The following GRIP1 variants were observed in gnomAD, a reference collection of about 807,000 sequenced individuals.
GRIP1 encodes glutamate receptor-interacting protein 1.
Under a neutral mutation model 129.9 loss-of-function variants are expected in GRIP1, and 45 were observed. The ratio of observed to expected loss-of-function variants is 0.35; its 90% CI spans 0.27 to 0.44. The LOEUF (loss-of-function observed/expected upper bound fraction) is 0.44, where lower values mean the gene tolerates loss of function less well. Ranked by LOEUF, GRIP1 falls within the 20% of genes least tolerant of loss-of-function variation. GRIP1 has a pLI of 1.00. For synonymous variants in GRIP1, 530 were observed against 520.8 expected, an observed-to-expected ratio of 1.02 and a Z score of -0.24; for missense variants, 1,196 against 1,396.8, an observed-to-expected ratio of 0.86 and a Z score of 2.29.
At chr12:66,715,473 A>T (rs74098240) in intron 1 of GRIP1, among the ~76,000 whole-genome samples, 56,652 of 94,090 alleles carry the variant, frequency 0.6, 14,109 homozygotes, top group South Asian at 0.64. Flanking sequence ...TGTGTGTGTG[A>T]GAGAGAGAGA....
intron 1 of GRIP1, among the ~76,000 whole-genome samples, chr12:66,632,278 A>G (rs1361096261): frequency 1.3e-5 from 2 of 152,222 alleles, no homozygotes; most frequent in African/African-American, 4.8e-5. Flanking sequence ...TAAAACCAGA[A>G]GGTCACAAGG....
intron 1 of GRIP1, among the ~76,000 whole-genome samples, chr12:66,927,559 T>G (rs1018344074): frequency 9.9e-5 from 15 of 152,210 alleles, no homozygotes; most frequent in Non-Finnish European, 2.2e-4. Context: ...TCAGTCCCTC[T>G]CTGTTTCCAG....
At chr12:66,464,685 T>G (rs2059230871) in intron 8 of GRIP1, among the ~76,000 whole-genome samples, 2 of 152,096 alleles carry the variant, frequency 1.3e-5, no homozygotes, top group African/African-American at 2.4e-5. Context: ...TTTTTTTCTA[T>G]TGCTAAAGGC....
intron 1 of GRIP1, among the ~76,000 whole-genome samples, chr12:66,637,734 T>G (rs2031538898): frequency 6.6e-6 from 1 of 152,170 alleles, no homozygotes; most frequent in Non-Finnish European, 1.5e-5. Flanking sequence ...CCTCCTAGTC[T>G]TGCTCAGCTC....
chr12:66,371,750 T>C lies in GRIP1; in HGVS notation c.2956A>G (p.Lys986Glu), dbSNP rs753677869. 2 of 1,614,132 alleles carry C rather than the reference T, an allele frequency of 1.2e-6. No individual in the cohort carries two copies. Among genetic ancestry groups the C allele is most frequent in the Non-Finnish European group, 1.7e-6 (2 of 1,179,964 alleles). Residue 986 changes from lysine to glutamate, a missense_variant, in exon 23 of 25, where the codon AAA becomes GAA. Around this residue, in one of 5 missense-constraint regions of GRIP1, gnomAD observed 427 missense variants for 463.3 expected, o/e 0.92. Transcript: ENST00000359742. ...ATCTCCTTTATTTCTTGTTTCATTT[T>C]TCTCAGGGTTACTGACTTCCTACCC... ...DVGRKSVTLR[K>E]MKQEIKEIMS... is the part of the protein sequence containing the mutation.
upstream of GRIP1, among the ~76,000 whole-genome samples, chr12:66,806,828 A>G (rs1195263924): frequency 6.6e-6 from 1 of 151,158 alleles, no homozygotes; most frequent in Non-Finnish European, 1.5e-5. Context: ...CTGAAGGATT[A>G]CATTTGTTAA....
At chr12:66,364,265 C>CAAAAAAAAA (rs1159887365) in intron 23 of GRIP1, among the ~76,000 whole-genome samples, 3 of 16,328 alleles carry the variant, frequency 1.8e-4, no homozygotes, top group Non-Finnish European at 3.2e-4. Context: ...GACTCCATCT[C>CAAAAAAAAA]AAAAAAAAAA....
intron 1 of GRIP1, among the ~76,000 whole-genome samples, chr12:66,821,126 T>C (rs995978931): frequency 7.3e-5 from 11 of 151,156 alleles, no homozygotes; most frequent in Non-Finnish European, 2.9e-5. Context: ...ACATGGGAAC[T>C]CTGTGCTTTC....
chr12:66,535,139 C>G (rs2061569150), intron 4 of GRIP1, among the ~76,000 whole-genome samples: 1 of 152,182 alleles, frequency 6.6e-6, no homozygotes, highest in South Asian at 2.1e-4. Context: ...ACGCCTAGCT[C>G]TGAATCACCC....
At position 66,445,511 on chromosome 12, in the gene GRIP1, A is replaced by G; in HGVS notation, c.1355-3T>C. On this transcript the variant is annotated splice_polypyrimidine_tract_variant and splice_region_variant and intron_variant, in intron 11 of 24. Coordinates refer to ENST00000359742, the MANE Select transcript of GRIP1 (RefSeq NM_001366722.1). The stretch of plus-strand genomic sequence containing the variant: ...TACTGTGCTGGAGGCTAAGGACACT[A>G]GAGGAACAAACAGAAAATACTGACT... 6.2e-7 allele frequency: 1 copy of G among 1,607,826 alleles called. No homozygotes were observed. The highest frequency in any genetic ancestry group is 8.5e-7 in the Non-Finnish European group (1 of 1,176,102).
intron 1 of GRIP1, among the ~76,000 whole-genome samples, chr12:66,637,706 T>G (rs2031535301): frequency 6.6e-6 from 1 of 152,182 alleles, no homozygotes; most frequent in African/African-American, 2.4e-5. Flanking sequence ...TGCAGAATCC[T>G]CTACTGATCT....
At chr12:66,959,997 CTG>C (rs2041900005) in intron 1 of GRIP1, among the ~76,000 whole-genome samples, 1 of 151,948 alleles carries the variant, frequency 6.6e-6, no homozygotes, top group South Asian at 2.1e-4. Flanking sequence ...GAGGAGGTAA[CTG>C]GGAATATTCT....
chr12:66,527,614 T>C (rs2061297116), intron 5 of GRIP1, among the ~76,000 whole-genome samples: 1 of 152,072 alleles, frequency 6.6e-6, no homozygotes, highest in African/African-American at 2.4e-5. Flanking sequence ...ACATGGCACA[T>C]GTATACATAT....
intron 6 of GRIP1, among the ~76,000 whole-genome samples, chr12:66,516,492 C>T (rs541228743): frequency 5.9e-5 from 9 of 152,212 alleles, no homozygotes; most frequent in African/African-American, 2.2e-4. Flanking sequence ...TAATAATGAC[C>T]TTTGAAATAA....
At chr12:67,000,674 C>T (rs17103142) in intron 1 of GRIP1, among the ~76,000 whole-genome samples, 17,019 of 152,192 alleles carry the variant, frequency 0.11, 1,130 homozygotes, top group African/African-American at 0.17. Flanking sequence ...AGCAAGTCCA[C>T]GAGGATACTT....
intron 2 of GRIP1, among the ~76,000 whole-genome samples, chr12:66,570,127 G>GTATGTATA (rs1344050988): frequency 7.2e-6 from 1 of 139,686 alleles, no homozygotes; most frequent in Non-Finnish European, 1.6e-5. Context: ...ATGTATGTAT[G>GTATGTATA]TATATATTAG....
At chr12:66,697,691 T>C (rs534427128) in intron 1 of GRIP1, among the ~76,000 whole-genome samples, 33 of 152,338 alleles carry the variant, frequency 2.2e-4, no homozygotes, top group Admixed American at 1.8e-3. Flanking sequence ...CTGATGCCTC[T>C]TTCTCTGTCC....
intron 1 of GRIP1, among the ~76,000 whole-genome samples, chr12:67,019,221 G>A (rs765278028): frequency 3.9e-5 from 6 of 152,134 alleles, no homozygotes; most frequent in South Asian, 2.1e-4. Context: ...ACACACGCAC[G>A]AATATGCGTC....
At chr12:66,466,980 A>G (rs2059304127) in intron 7 of GRIP1, among the ~76,000 whole-genome samples, 1 of 152,198 alleles carries the variant, frequency 6.6e-6, no homozygotes, top group African/African-American at 2.4e-5. Context: ...AGCCATCTTC[A>G]GTTTGAGATA....
Sources: gnomAD v4.1 joint callset for allele counts (sites outside exome capture counted in the v4.1 genomes callset) on GRCh38, gnomAD v4.1.1 for gene constraint, gnomAD v4.1.1 regional missense constraint, MANE v1.5 for transcripts, NCBI Gene and HGNC (gene_info 2026-07-23, HGNC 2026-07-21) for gene names.